The following MTHFD2L variants were observed in gnomAD, a reference collection of about 807,000 sequenced individuals.
MTHFD2L encodes the protein bifunctional methylenetetrahydrofolate dehydrogenase/cyclohydrolase 2, mitochondrial.
A neutral mutation model predicts 34.9 loss-of-function variants in MTHFD2L; 29 were observed. That is an observed-to-expected ratio of 0.83 (90% CI 0.62 to 1.13). The LOEUF (loss-of-function observed/expected upper bound fraction) is 1.13, where lower values mean the gene tolerates loss of function less well. MTHFD2L is among the 50% of genes most tolerant of loss of function. MTHFD2L has a pLI of 0.00. For synonymous variants in MTHFD2L, 167 were observed against 155.7 expected (o/e 1.07, Z -0.54); for missense variants, 481 against 446.5 (o/e 1.08, Z -0.70).
intron 5 of MTHFD2L, among the ~76,000 whole-genome samples, chr4:74,214,393 T>G (rs1013675130): frequency 6.6e-6 from 1 of 151,796 alleles, no homozygotes; most frequent in African/African-American, 2.4e-5. Context: ...GATGGGGTTT[T>G]TGTGTGGACG....
At chr4:74,187,760 A>G (rs1205092722) in intron 3 of MTHFD2L, among the ~76,000 whole-genome samples, 2 of 147,744 alleles carry the variant, frequency 1.4e-5, no homozygotes, top group East Asian at 3.9e-4. Context: ...ACACACACAC[A>G]CACACACACA....
chr4:74,209,922 T>C (rs1341341936), intron 5 of MTHFD2L, among the ~76,000 whole-genome samples: 1 of 152,260 alleles, frequency 6.6e-6, no homozygotes, highest in Non-Finnish European at 1.5e-5. Context: ...ATTGTGGTTT[T>C]GATTTGCATT....
At chr4:74,132,789 T>C (rs1722641608) in intron 1 of MTHFD2L, among the ~76,000 whole-genome samples, 1 of 152,158 alleles carries the variant, frequency 6.6e-6, no homozygotes, top group Non-Finnish European at 1.5e-5. Context: ...CACAAACACT[T>C]TGAATTTTTA....
chr4:74,298,403 T>C (rs1241256674), intron 7 of MTHFD2L, among the ~76,000 whole-genome samples: 2 of 152,072 alleles, frequency 1.3e-5, no homozygotes, highest in Non-Finnish European at 2.9e-5. Context: ...CAGCGAAGTA[T>C]GCAAAAATGC....
intron 7 of MTHFD2L, among the ~76,000 whole-genome samples, chr4:74,295,738 C>T (rs1261039872): frequency 6.6e-6 from 1 of 152,170 alleles, no homozygotes; most frequent in Non-Finnish European, 1.5e-5. Context: ...TCTGTCTTTA[C>T]TCCTGCATCT....
chr4:74,240,147 A>G (rs1005020266), intron 6 of MTHFD2L, among the ~76,000 whole-genome samples: 5 of 152,240 alleles, frequency 3.3e-5, no homozygotes, highest in Non-Finnish European at 5.9e-5. Flanking sequence ...TTATGACGTT[A>G]TAGTGGAAGC....
At chr4:74,165,112 T>G (rs1419897853) in intron 1 of MTHFD2L, 1 of 329,260 alleles carries the variant, frequency 3.0e-6, no homozygotes, top group African/African-American at 2.2e-5. Flanking sequence ...AAATTATATA[T>G]TTGGAATATC....
chr4:74,175,508 G>A, intron 3 of MTHFD2L, 105 bp downstream of exon 3: 6 of 1,219,486 alleles, frequency 4.9e-6, no homozygotes, highest in Non-Finnish European at 6.9e-6. Flanking sequence ...AATACATTCA[G>A]AAGGAGACTA....
chr4:74,291,663 T>C (rs1478176831), intron 7 of MTHFD2L, among the ~76,000 whole-genome samples: 1 of 152,226 alleles, frequency 6.6e-6, no homozygotes, highest in Non-Finnish European at 1.5e-5. Context: ...TTCCAGATTA[T>C]GCAAAGTAAG....
chr4:74,285,666 A>G (rs1204026339), intron 7 of MTHFD2L, among the ~76,000 whole-genome samples: 2 of 152,088 alleles, frequency 1.3e-5, no homozygotes, highest in Admixed American at 1.3e-4. Context: ...TAATGTTTTG[A>G]CAAAAAATTT....
chr4:74,183,803 T>C lies in MTHFD2L; in HGVS notation c.451+8400T>C, dbSNP rs1230571489. 4 of 72,030 alleles carry C rather than the reference T, an allele frequency of 5.6e-5. No homozygotes were observed. In the Admixed American group the frequency reaches 6.1e-4, roughly 11 times the overall value. 4.5% of individuals were successfully genotyped at this position (72,030 alleles called of 1,614,324 possible). A position where few individuals can be genotyped will look rare whatever the true frequency, so the allele number is the denominator to read the frequency against. On this transcript the variant is annotated intron_variant, in intron 3 of 7. Transcript: ENST00000325278. ...ATATTATTCATGTATATATATGTTA[T>C]AATATATTGTTCTTATTCTTATTAT... is the stretch of plus-strand genomic sequence containing the variant.
At chr4:74,208,096 T>C (rs1252894746) in intron 5 of MTHFD2L, among the ~76,000 whole-genome samples, 1 of 152,154 alleles carries the variant, frequency 6.6e-6, no homozygotes. Flanking sequence ...ATTTAGTCTC[T>C]GCCACTCTCA....
intron 5 of MTHFD2L, among the ~76,000 whole-genome samples, chr4:74,212,617 T>C (rs1269098290): frequency 6.6e-6 from 1 of 152,206 alleles, no homozygotes; most frequent in Non-Finnish European, 1.5e-5. Flanking sequence ...CTTCCAATTA[T>C]GTGCTCAATT....
chr4:74,224,193 G>T (rs893209257), intron 5 of MTHFD2L: 1 of 152,040 alleles, frequency 6.6e-6, no homozygotes, highest in Non-Finnish European at 1.5e-5. Flanking sequence ...GTCCCGGAAG[G>T]CTCTTCTGCC....
intron 1 of MTHFD2L, among the ~76,000 whole-genome samples, chr4:74,163,184 T>C (rs1170490827): frequency 6.6e-6 from 1 of 152,206 alleles, no homozygotes; most frequent in African/African-American, 2.4e-5. Context: ...TTGAGGCAGA[T>C]ACCACAAAAC....
chr4:74,193,658 T>A (rs1482477990), intron 3 of MTHFD2L, among the ~76,000 whole-genome samples: 1 of 152,172 alleles, frequency 6.6e-6, no homozygotes, highest in East Asian at 1.9e-4. Context: ...AACAATTTAC[T>A]CCTAAGCATT....
intron 1 of MTHFD2L, among the ~76,000 whole-genome samples, chr4:74,145,069 T>C (rs1364961488): frequency 6.6e-6 from 1 of 152,008 alleles, no homozygotes; most frequent in Non-Finnish European, 1.5e-5. Flanking sequence ...AATATATCGA[T>C]ATAATCTTGA....
chr4:74,297,534 A>G (rs1345640145), intron 7 of MTHFD2L, among the ~76,000 whole-genome samples: 28 of 151,822 alleles, frequency 1.8e-4, no homozygotes, highest in Admixed American at 1.8e-3. Flanking sequence ...AATTACTATC[A>G]TATAATGCTT....
intron 6 of MTHFD2L, among the ~76,000 whole-genome samples, chr4:74,229,874 TGTACCATGGTTATAGCACATA>T (rs1391893307): frequency 6.6e-6 from 1 of 152,200 alleles, no homozygotes; most frequent in Non-Finnish European, 1.5e-5. Flanking sequence ...AGTACTTTAA[TGTACCATGGTTATAGCACATA>T]GTACCTGTTT....
Sources: allele counts gnomAD v4.1 joint callset (sites outside exome capture counted in the v4.1 genomes callset), GRCh38; gene constraint gnomAD v4.1.1; transcripts MANE v1.5; gene names NCBI Gene and HGNC (gene_info 2026-07-23, HGNC 2026-07-21).